Variants in ARID3A observed in about 807,000 individuals in gnomAD.
ARID3A encodes AT-rich interaction domain 3A, also known as AT-rich interactive domain-containing protein 3A.
ARID3A carries 11 observed loss-of-function variants against 52.7 expected under a neutral mutation model. The ratio of observed to expected loss-of-function variants is 0.21; its 90% confidence interval spans 0.13 to 0.35. The LOEUF (loss-of-function observed/expected upper bound fraction) is 0.35. Among genes scored for constraint, ARID3A ranks in the 10% least tolerant of loss-of-function variants. The probability of loss-of-function intolerance (pLI) is 1.00; values close to 1 mark genes in which losing one functional copy is unlikely to be tolerated. For synonymous variants in ARID3A, 404 were observed against 359.4 expected, an observed-to-expected ratio of 1.12 and a Z score of -1.40; for missense variants, 721 against 838.5, an observed-to-expected ratio of 0.86 and a Z score of 1.73.
At chr19:961,256 T>C (rs1326585336) in intron 4 of ARID3A, among the ~76,000 whole-genome samples, 1 of 151,918 alleles carries the variant, frequency 6.6e-6, no homozygotes, top group Non-Finnish European at 1.5e-5. Flanking sequence ...CCCTGGCTTC[T>C]ATAAACACAG....
intron 3 of ARID3A, among the ~76,000 whole-genome samples, chr19:937,463 A>C (rs1447154078): frequency 6.6e-6 from 1 of 151,554 alleles, no homozygotes; most frequent in East Asian, 1.9e-4. Context: ...GTTGGTGACC[A>C]CTCGACCTGT....
At chr19:937,653 A>G (rs1174143111) in intron 3 of ARID3A, among the ~76,000 whole-genome samples, 2 of 140,316 alleles carry the variant, frequency 1.4e-5, no homozygotes, top group East Asian at 2.3e-4. Context: ...CCAGCCACAG[A>G]TGTGGGTTCC....
chr19:958,614 A>G (rs1338622956), intron 3 of ARID3A, among the ~76,000 whole-genome samples: 1 of 151,790 alleles, frequency 6.6e-6, no homozygotes, highest in African/African-American at 2.4e-5. Context: ...TTAGAATTCC[A>G]TATTTCTAGT....
chr19:946,099 G>A (rs937574338), intron 3 of ARID3A, among the ~76,000 whole-genome samples: 2 of 152,160 alleles, frequency 1.3e-5, no homozygotes, highest in South Asian at 2.1e-4. Context: ...GCATGAGGGC[G>A]TATTGTGGGT....
At chr19:933,914 G>A (rs1599385346) in intron 3 of ARID3A, among the ~76,000 whole-genome samples, 1 of 151,990 alleles carries the variant, frequency 6.6e-6, no homozygotes, top group Admixed American at 6.6e-5. Flanking sequence ...TGCAGAAGGG[G>A]ATGCTCCACG....
chr19:962,745 C>T (rs1356458168), intron 4 of ARID3A, among the ~76,000 whole-genome samples: 2 of 151,930 alleles, frequency 1.3e-5, no homozygotes, highest in African/African-American at 4.8e-5. Context: ...GAACTCCTGA[C>T]CTTGGGTGAT....
In ARID3A at chr19:947,755, G is replaced by A. The variant is rs969993356; in HGVS notation, c.694-12337G>A. Among the ~76,000 whole-genome samples the A allele has an allele frequency of 7.9e-5, 12 of 152,220 alleles. No homozygotes were observed. Among genetic ancestry groups the A allele is most frequent in the Non-Finnish European group, 1.3e-4 (9 of 68,038 alleles). On this transcript the variant is annotated intron_variant, in intron 3 of 8. Coordinates refer to ENST00000263620, the MANE Select transcript of ARID3A (RefSeq NM_005224.3). This position sits in a 1 kb window ranked among gnomAD's most constrained non-coding sequence, Gnocchi z 6.3. ...GGAGAGTGTTATTAATATCCGCCCC[G>A]TGGGTGCGGCGCTGTGTATTTCCAG...
At chr19:967,207 G>A (rs565932633) in intron 7 of ARID3A, among the ~76,000 whole-genome samples, 5 of 152,074 alleles carry the variant, frequency 3.3e-5, no homozygotes, top group South Asian at 2.1e-4. Context: ...GCAGTGACCC[G>A]AGATAACGCC....
intron 4 of ARID3A, among the ~76,000 whole-genome samples, chr19:962,536 CAG>C (rs1476446516): frequency 6.1e-5 from 3 of 48,822 alleles, no homozygotes; most frequent in African/African-American, 1.2e-4. Context: ...TTTTTTGAGA[CAG>C]AGTTTTGCTT....
chr19:968,546 C>T (rs1244282139), intron 8 of ARID3A, 43 bp downstream of exon 8: 12 of 1,585,828 alleles, frequency 7.6e-6, no homozygotes, highest in South Asian at 2.2e-5. Context: ...CTCGCCTCTC[C>T]CGCCGCCGTG....
intron 8 of ARID3A, among the ~76,000 whole-genome samples, chr19:969,883 A>G (rs563578518): frequency 0.013 from 1,902 of 151,642 alleles, 44 homozygotes; most frequent in African/African-American, 0.043. Context: ...AGTAGAGATG[A>G]GGTTTCACCA....
chr19:952,811 GCCTGGGCCTCTGGGCCCAAGGACACCGC>G (rs2037829839), intron 3 of ARID3A, among the ~76,000 whole-genome samples: 3 of 152,160 alleles, frequency 2.0e-5, no homozygotes, highest in Admixed American at 2.0e-4. Context: ...TTTCTTTACA[GCCTGGGCCTCTGGGCCCAAGGACACCGC>G]CCTGGGCCCC....
Position 975,687 on chromosome 19 carries a change from G to C in ARID3A, c.*3622G>C, listed in dbSNP as rs2038363964. On this transcript the variant is annotated 3_prime_UTR_variant, in exon 9 of 9. Coordinates refer to ENST00000263620, the MANE Select transcript of ARID3A (RefSeq NM_005224.3). ...GCCTGTCTCGCCCTGGCCGCGGCAG[G>C]GTGGCCTGTAACAATTTCAGTTTTC... 4.8e-6 allele frequency: 1 copy of C among 210,012 alleles called. No individual in the cohort carries two copies. Among genetic ancestry groups the C allele is most frequent in the South Asian group, 1.9e-4 (1 of 5,322 alleles). 13.0% of individuals were successfully genotyped at this position (210,012 alleles called of 1,614,324 possible).
chr19:941,363 C>G lies in ARID3A; in HGVS notation c.693+8621C>G, dbSNP rs755090812. On this transcript the variant is annotated intron_variant, in intron 3 of 8. Transcript: ENST00000263620. The surrounding 1 kb of genome is among the most constrained non-coding windows in gnomAD (Gnocchi z 6.9). ...TCTTCGGACCCTCCAAGGCCTCTGC[C>G]CACCGGGCACCTGCTGGATTCTGTG... is the stretch of plus-strand genomic sequence containing the variant. Among the ~76,000 whole-genome samples the G allele has an allele frequency of 6.6e-6, 1 of 152,214 alleles. No individual in the cohort carries two copies. The highest frequency in any genetic ancestry group is 6.5e-5 in the Admixed American group (1 of 15,282).
At chr19:967,175 C>T (rs143912084) in intron 7 of ARID3A, among the ~76,000 whole-genome samples, 1 of 152,278 alleles carries the variant, frequency 6.6e-6, no homozygotes, top group Non-Finnish European at 1.5e-5. Flanking sequence ...AGGAGAATCA[C>T]ATGAACTGGG....
chr19:971,771 A>T, intron 8 of ARID3A, 107 bp from the exon 9 acceptor site: 1 of 1,375,398 alleles, frequency 7.3e-7, no homozygotes. Flanking sequence ...TGGGGGACAG[A>T]GTGAGAGAGA....
rs951295545 is a variant in ARID3A, at chr19:959,585, A to C, written c.694-507A>C. ...CACCCTGAAGAGAAGTTGGTTTTGGACTTCTGGGCTCCGGGACCGCGGGAG... is the reference window on the plus strand; with the variant it reads ...CACCCTGAAGAGAAGTTGGTTTTGGCCTTCTGGGCTCCGGGACCGCGGGAG... On this transcript the variant is annotated intron_variant, in intron 3 of 8. Transcript: ENST00000263620. The surrounding 1 kb of genome is among the most constrained non-coding windows in gnomAD (Gnocchi z 5.0). 1.3e-5 allele frequency among the ~76,000 whole-genome samples: 2 copies of C among 151,994 alleles called. No homozygotes were observed. Among genetic ancestry groups the C allele is most frequent in the Non-Finnish European group, 2.9e-5 (2 of 67,996 alleles).
At position 929,368 on chromosome 19, in the gene ARID3A, C is replaced by T. The variant is rs1249071266; in HGVS notation, c.-161C>T. ...CCTTCAGCTTGAGCCCGGCGGCCCC[C>T]GCCCCCGCCCCCTGCCACCCTGCAC... is the stretch of plus-strand genomic sequence containing the variant. On this transcript the variant is annotated 5_prime_UTR_variant, in exon 2 of 9. Transcript: ENST00000263620. The surrounding 1 kb of genome is among the most constrained non-coding windows in gnomAD (Gnocchi z 6.2). 1.5e-5 allele frequency: 5 copies of T among 326,150 alleles called. No homozygotes were observed. The highest frequency in any genetic ancestry group is 2.4e-5 in the Non-Finnish European group (5 of 210,712). The allele number at this position is 326,150 out of a possible 1,614,324, so 20.2% of individuals were successfully genotyped here.
intron 2 of ARID3A, among the ~76,000 whole-genome samples, chr19:931,540 T>C (rs374698026): frequency 1.6e-4 from 24 of 149,426 alleles, no homozygotes; most frequent in East Asian, 4.0e-4. Flanking sequence ...TGGCTGGGCG[T>C]GGTGGCTCAC....
Sources: allele counts gnomAD v4.1 joint callset (sites outside exome capture counted in the v4.1 genomes callset), GRCh38; gene constraint gnomAD v4.1.1; non-coding constraint Gnocchi (gnomAD v3.1); transcripts MANE v1.5; gene names NCBI Gene and HGNC (gene_info 2026-07-23, HGNC 2026-07-21).